NFU1: variants seen among roughly 807,000 people sequenced by gnomAD.
NFU1 encodes the protein NFU1 iron-sulfur cluster scaffold.
A neutral mutation model predicts 32.2 loss-of-function variants in NFU1; 30 were observed. That is an observed-to-expected ratio of 0.93 (90% confidence interval 0.70 to 1.26). The LOEUF (loss-of-function observed/expected upper bound fraction) is 1.26, where lower values mean the gene tolerates loss of function less well. Ranked by LOEUF, NFU1 falls within the 50% of genes most tolerant of loss-of-function variation. NFU1 has a pLI of 0.00. For missense variants in NFU1, 306 were observed against 306.6 expected (o/e 1.00, Z 0.02); for synonymous variants, 112 against 104.6 (o/e 1.07, Z -0.43).
At chr2:69,417,771 G>T (rs553351033) in intron 4 of NFU1, among the ~76,000 whole-genome samples, 32 of 151,416 alleles carry the variant, frequency 2.1e-4, no homozygotes, top group African/African-American at 7.5e-4. Context: ...AAATTGTAGA[G>T]CTAGGGCAAT....
intron 6 of NFU1, among the ~76,000 whole-genome samples, chr2:69,404,811 G>A (rs1178206618): frequency 6.7e-6 from 1 of 150,326 alleles, no homozygotes; most frequent in African/African-American, 2.4e-5. Flanking sequence ...GTAGAGATGG[G>A]GTTTCAACAT....
At position 69,423,460 on chromosome 2, in the gene NFU1, T is replaced by C. The variant is rs1024629573; in HGVS notation, c.302+122A>G. 17 of 872,044 alleles carry C rather than the reference T, an allele frequency of 1.9e-5. No individual in the cohort carries two copies. The East Asian group carries it at 3.7e-4, about 19-fold the overall frequency. The allele number at this position is 872,044 out of a possible 1,614,324, so 54.0% of individuals were successfully genotyped here. A position where few individuals can be genotyped will look rare whatever the true frequency, so the allele number is the denominator to read the frequency against. On this transcript the variant is annotated intron_variant, in intron 3 of 7. Coordinates refer to ENST00000410022, the MANE Select transcript of NFU1 (RefSeq NM_001002755.4). ...TCTCTCATCTGAAAAGAAATTATTT[T>C]CTACACTTAAAAAAAAATGCAGTGC... is the stretch of plus-strand genomic sequence containing the variant.
upstream of NFU1, chr2:69,437,711 T>C (rs1673906963): frequency 5.5e-6 from 3 of 546,778 alleles, no homozygotes; most frequent in Non-Finnish European, 9.9e-6. Context: ...TTGGCTAGGT[T>C]TTTAGCTGGT....
Position 69,434,498 on chromosome 2 carries a change from G to A in NFU1, c.63-2493C>T, listed in dbSNP as rs536481208. ...TTAATTGGCTATTTTTTATGGCTTT[G>A]ACAAACTGAAAACAAAGGAAGAAAA... is the stretch of plus-strand genomic sequence containing the variant. On this transcript the variant is annotated intron_variant, in intron 1 of 7. Transcript: ENST00000410022. Among the ~76,000 whole-genome samples the A allele has an allele frequency of 9.2e-5, 14 of 152,210 alleles. No individual in the cohort carries two copies. The South Asian group carries it at 2.9e-3, about 32-fold the overall frequency.
chr2:69,405,922 T>C (rs1672679313), intron 6 of NFU1, 100 bp downstream of exon 6: 14 of 795,998 alleles, frequency 1.8e-5, no homozygotes, highest in Non-Finnish European at 2.6e-5. Context: ...TGCACTTATT[T>C]TGAAAATCTA....
intron 1 of NFU1, among the ~76,000 whole-genome samples, chr2:69,434,733 T>A (rs965915519): frequency 2.0e-5 from 3 of 152,220 alleles, no homozygotes; most frequent in Admixed American, 1.3e-4. Context: ...ACTGTCCAGA[T>A]ACTGCTAATT....
At chr2:69,401,723 T>C (rs1384840966) in intron 6 of NFU1, among the ~76,000 whole-genome samples, 2 of 152,168 alleles carry the variant, frequency 1.3e-5, no homozygotes, top group African/African-American at 2.4e-5. Flanking sequence ...CCACCAGCAG[T>C]GTATGAGAGT....
intron 2 of NFU1, chr2:69,430,059 A>C: frequency 3.3e-6 from 1 of 300,294 alleles, no homozygotes; most frequent in East Asian, 1.2e-4. Context: ...ACCTAATTTG[A>C]ATAGGTACTT....
At position 69,400,541 on chromosome 2, in the gene NFU1, G is replaced by A. The variant is rs371893257; in HGVS notation, c.546-3C>T. 14 of 1,613,226 alleles carry A rather than the reference G, an allele frequency of 8.7e-6. No individual in the cohort carries two copies. In the African/African-American group the frequency reaches 1.9e-4, roughly 22 times the overall value. On this transcript the variant is annotated splice_polypyrimidine_tract_variant and splice_region_variant and intron_variant, in intron 6 of 7. Coordinates refer to ENST00000410022, the MANE Select transcript of NFU1 (RefSeq NM_001002755.4). The stretch of plus-strand genomic sequence containing the variant: ...CTCCATCTTCCTGCACAGTTGGCCT[G>A]TGAGGTCAAAGAATATTTATGACAT...
intron 6 of NFU1, among the ~76,000 whole-genome samples, chr2:69,404,499 T>C (rs768348222): frequency 3.3e-5 from 5 of 150,508 alleles, no homozygotes; most frequent in Non-Finnish European, 7.4e-5. Context: ...AAAAAAAAAA[T>C]ATCTGTATAC....
At chr2:69,433,933 C>A (rs1416609809) in intron 1 of NFU1, among the ~76,000 whole-genome samples, 1 of 130,868 alleles carries the variant, frequency 7.6e-6, no homozygotes, top group Middle Eastern at 3.4e-3. Context: ...GCCACCATGC[C>A]CAGCTAGTTT....
At chr2:69,399,274 C>A in intron 7 of NFU1, 2 of 346,892 alleles carry the variant, frequency 5.8e-6, no homozygotes, top group South Asian at 2.0e-5. Flanking sequence ...CTAATTTCCA[C>A]ACATCCCTTC....
rs577776216 is a variant in NFU1 at position 69,425,145 on chromosome 2, T to A, written c.167-1428A>T. Among the ~76,000 whole-genome samples, 44 of 152,148 alleles carry A rather than the reference T, an allele frequency of 2.9e-4. No homozygotes were observed. In the East Asian group the frequency reaches 8.3e-3, roughly 29 times the overall value. ...TGCCCGCCTCGGCCTCACAAAGTGCTGGGATTACAGGTGTGAGCCACCGCG... is the reference window on the plus strand; with the variant it reads ...TGCCCGCCTCGGCCTCACAAAGTGCAGGGATTACAGGTGTGAGCCACCGCG... On this transcript the variant is annotated intron_variant, in intron 2 of 7. Transcript: ENST00000410022.
In NFU1 at chr2:69,403,816, G is replaced by A. The variant is rs185592879; in HGVS notation, c.545+2206C>T. 1.2e-3 allele frequency among the ~76,000 whole-genome samples: 179 copies of A among 151,132 alleles called. 1 individual carries two copies. The highest frequency in any genetic ancestry group is 7.1e-3 in the South Asian group (34 of 4,776). On this transcript the variant is annotated intron_variant, in intron 6 of 7. Transcript: ENST00000410022. ...CCAATCTAATGAGTTCTTAAGTTCA[G>A]TTATTATAATTTTAGTTCCAGGGTT...
Position 69,415,308 on chromosome 2 carries a change from A to T in NFU1, c.370-9T>A. The T allele has an allele frequency of 6.7e-7, 1 of 1,495,526 alleles. No individual in the cohort carries two copies. Among genetic ancestry groups the T allele is most frequent in the South Asian group, 1.1e-5 (1 of 88,218 alleles). 92.6% of individuals were successfully genotyped at this position (1,495,526 alleles called of 1,614,324 possible). On this transcript the variant is annotated splice_polypyrimidine_tract_variant and intron_variant, in intron 4 of 7. Transcript: ENST00000410022. The stretch of plus-strand genomic sequence containing the variant: ...TCTAATTCTTCATTTTCCTATAAAC[A>T]TTTAAAGGAAAATGCTGTATTTCCA...
intron 4 of NFU1, among the ~76,000 whole-genome samples, chr2:69,419,137 A>G (rs1399141443): frequency 6.6e-6 from 1 of 151,632 alleles, no homozygotes; most frequent in Non-Finnish European, 1.5e-5. Context: ...AACATGGCGA[A>G]ACCCTGTCTC....
chr2:69,437,308 C>T lies in NFU1; in HGVS notation c.62+53G>A, dbSNP rs1173329896. The T allele has an allele frequency of 7.0e-6, 11 of 1,572,676 alleles. No individual in the cohort carries two copies. The East Asian group carries it at 1.2e-4, about 17-fold the overall frequency. The stretch of plus-strand genomic sequence containing the variant: ...AGGGTCTGCAAGGCGGCGACCGCTC[C>T]GCTGGCTAAGCCCAGCGGCACACCT... On this transcript the variant is annotated intron_variant, in intron 1 of 7. Coordinates refer to ENST00000410022, the MANE Select transcript of NFU1 (RefSeq NM_001002755.4).
chr2:69,423,522 C>A (rs1673336302), intron 3 of NFU1, 60 bp downstream of exon 3: 2 of 1,512,940 alleles, frequency 1.3e-6, no homozygotes, highest in Non-Finnish European at 9.1e-7. Flanking sequence ...GTTGTCTTAA[C>A]CCCAAAGTCA....
intron 5 of NFU1, among the ~76,000 whole-genome samples, chr2:69,411,640 T>C (rs1279494124): frequency 6.6e-6 from 1 of 152,132 alleles, no homozygotes; most frequent in Non-Finnish European, 1.5e-5. Context: ...TCACCCAAGA[T>C]GGAGTGTGGT....
Sources: gnomAD v4.1 joint callset for allele counts (sites outside exome capture counted in the v4.1 genomes callset) on GRCh38, gnomAD v4.1.1 for gene constraint, MANE v1.5 for transcripts, NCBI Gene and HGNC (gene_info 2026-07-23, HGNC 2026-07-21) for gene names.